UNK: variants seen among roughly 807,000 people sequenced by gnomAD.
The protein encoded by UNK is RING finger protein unkempt homolog.
UNK carries 32 observed loss-of-function variants against 97.6 expected under a neutral mutation model. The observed-to-expected ratio is 0.33, with a 90% CI of 0.25 to 0.44. The LOEUF (loss-of-function observed/expected upper bound fraction) is 0.44. Ranked by LOEUF, UNK falls within the 20% of genes least tolerant of loss-of-function variation. The pLI, the probability that UNK is intolerant of heterozygous loss-of-function variation, is 1.00. For missense variants in UNK, 771 were observed against 1,098.4 expected, an observed-to-expected ratio of 0.70 and a Z score of 4.21; for synonymous variants, 441 against 461.2, an observed-to-expected ratio of 0.96 and a Z score of 0.56.
At chr17:75,801,276 A>C (rs752902765) in intron 1 of UNK, among the ~76,000 whole-genome samples, 1 of 152,124 alleles carries the variant, frequency 6.6e-6, no homozygotes, top group Non-Finnish European at 1.5e-5. Context: ...GAAGAGAAAA[A>C]TGCACTTCAA....
chr17:75,788,907 T>C (rs1170651712), intron 1 of UNK, among the ~76,000 whole-genome samples: 1 of 152,242 alleles, frequency 6.6e-6, no homozygotes, highest in Non-Finnish European at 1.5e-5. Flanking sequence ...GAGACACTTG[T>C]GTGATAATTG....
chr17:75,817,672 G>A lies in UNK; in HGVS notation c.1305+146G>A. On this transcript the variant is annotated intron_variant, in intron 9 of 15. Transcript: ENST00000589666. This position sits in a 1 kb window ranked among gnomAD's most constrained non-coding sequence, Gnocchi z 5.8. ...TCGGCCTCTTCAGGACTGAACAGAG[G>A]GAGCAGTGTCAGCCCATTTGCAGCT... 1.1e-6 allele frequency: 1 copy of A among 929,108 alleles called. No homozygotes were observed. Among genetic ancestry groups the A allele is most frequent in the Non-Finnish European group, 1.6e-6 (1 of 634,500 alleles). 57.6% of individuals were successfully genotyped at this position (929,108 alleles called of 1,614,324 possible).
In UNK at chr17:75,812,571, A is replaced by C; in HGVS notation, c.608A>C (p.Glu203Ala). ...HAMIEKILSE[E>A]PRWQETAYVL... ...ATGATAGAAAAGATCCTCAGCGAGGAGCCTCGGTGGCAAGGTACAGGCATC... is the reference window on the plus strand; with the variant it reads ...ATGATAGAAAAGATCCTCAGCGAGGCGCCTCGGTGGCAAGGTACAGGCATC... The change falls in exon 4 of 16, where the codon GAG (glutamate) becomes GCG (alanine). Residue 203 changes from glutamate to alanine, a missense_variant. By Grantham distance (107) the Glu-to-Ala change is moderately radical (BLOSUM62 -1). Coordinates refer to ENST00000589666, the MANE Select transcript of UNK (RefSeq NM_001080419.3). 1.2e-6 allele frequency: 2 copies of C among 1,613,078 alleles called. No homozygotes were observed. Among genetic ancestry groups the C allele is most frequent in the Non-Finnish European group, 1.7e-6 (2 of 1,179,814 alleles).
chr17:75,809,796 CTT>C lies in UNK; in HGVS notation c.143_144del (p.Phe48CysfsTer39), dbSNP rs1156702784. 2 of 1,612,934 alleles carry C rather than the reference CTT, an allele frequency of 1.2e-6. No homozygotes were observed. The highest frequency in any genetic ancestry group is 1.6e-4 in the Middle Eastern group (1 of 6,084). On this transcript the variant is annotated frameshift_variant, in exon 2 of 16. Coordinates refer to ENST00000589666, the MANE Select transcript of UNK (RefSeq NM_001080419.3). LOFTEE classifies it high-confidence loss of function. ...KEFRTEQCPL[F>X]VQHKCTQHRP... ...AATTCCGCACAGAGCAGTGCCCACT[CTT>C]TGTGCAACACAAATGCACGCAGCAT... is the stretch of plus-strand genomic sequence containing the variant.
chr17:75,787,395 G>C (rs528981125), intron 1 of UNK, among the ~76,000 whole-genome samples: 35 of 151,812 alleles, frequency 2.3e-4, no homozygotes, highest in African/African-American at 8.0e-4. Context: ...TTGTAGAGAC[G>C]TGATTTTGCC....
chr17:75,813,025 T>G, intron 4 of UNK, 53 bp from the exon 5 acceptor site: 1 of 1,530,730 alleles, frequency 6.5e-7, no homozygotes, highest in Non-Finnish European at 8.8e-7. Context: ...CTGCTAGTCT[T>G]GGGGTGCTCC....
At chr17:75,797,060 A>C (rs1321344866) in intron 1 of UNK, among the ~76,000 whole-genome samples, 1 of 152,220 alleles carries the variant, frequency 6.6e-6, no homozygotes, top group Non-Finnish European at 1.5e-5. Context: ...TACTACAAAT[A>C]ATCTTCAAAA....
At chr17:75,795,701 G>C (rs1007231316) in intron 1 of UNK, among the ~76,000 whole-genome samples, 2 of 152,154 alleles carry the variant, frequency 1.3e-5, no homozygotes, top group South Asian at 4.1e-4. Flanking sequence ...ACGGGGGTTT[G>C]TAGTACTCTC....
In UNK at chr17:75,802,139, C is replaced by T. The variant is rs565094685; in HGVS notation, c.105-7621C>T. On this transcript the variant is annotated intron_variant, in intron 1 of 15. Transcript: ENST00000589666. ...CTGGGATTACAGGAGTGAGCCACTG[C>T]GCCTGACCTAAAAATTTTTTTCTGA... 3.3e-5 allele frequency among the ~76,000 whole-genome samples: 5 copies of T among 151,158 alleles called. No individual in the cohort carries two copies. The East Asian group carries it at 9.8e-4, about 30-fold the overall frequency.
chr17:75,799,737 G>A (rs2061838614), intron 1 of UNK, among the ~76,000 whole-genome samples: 2 of 152,154 alleles, frequency 1.3e-5, no homozygotes, highest in African/African-American at 2.4e-5. Context: ...ACATGGAAGC[G>A]GGGGCAGGCA....
In UNK at chr17:75,816,030, T is replaced by C. The variant is rs2062013307; in HGVS notation, c.962-740T>C. Among the ~76,000 whole-genome samples the C allele has an allele frequency of 6.6e-6, 1 of 152,206 alleles. No homozygotes were observed. Among genetic ancestry groups the C allele is most frequent in the Non-Finnish European group, 1.5e-5 (1 of 68,030 alleles). On this transcript the variant is annotated intron_variant, in intron 7 of 15. Transcript: ENST00000589666. This position sits in a 1 kb window ranked among gnomAD's most constrained non-coding sequence, Gnocchi z 4.0. ...TACAAAAATATCAAGACATTTCACCTTTTTTTGTACTAAGTCTATGAGATC... is the reference window on the plus strand; with the variant it reads ...TACAAAAATATCAAGACATTTCACCCTTTTTTGTACTAAGTCTATGAGATC...
rs2061991484 is a variant in UNK at position 75,813,755 on chromosome 17, G to C, written c.759-6G>C. 6.4e-7 allele frequency: 1 copy of C among 1,573,318 alleles called. No homozygotes were observed. Among genetic ancestry groups the C allele is most frequent in the Admixed American group, 1.9e-5 (1 of 53,806 alleles). ...CTCCATCTGACCCCACCCTCTTGTT[G>C]GCCAGGTCGTCTCCATGTCCAAACG... is the stretch of plus-strand genomic sequence containing the variant. On this transcript the variant is annotated splice_region_variant and splice_polypyrimidine_tract_variant and intron_variant, in intron 5 of 15. Transcript: ENST00000589666.
intron 7 of UNK, among the ~76,000 whole-genome samples, chr17:75,815,808 C>G (rs1322438840): frequency 6.7e-6 from 1 of 149,994 alleles, no homozygotes; most frequent in African/African-American, 2.5e-5. Context: ...ATCACTTGAA[C>G]CCAGGAAGCA....
chr17:75,807,255 C>T (rs930248048), intron 1 of UNK, among the ~76,000 whole-genome samples: 5 of 152,094 alleles, frequency 3.3e-5, no homozygotes, highest in South Asian at 4.1e-4. Context: ...GGAATAGTGG[C>T]GTATACCTGC....
chr17:75,819,507 TGTCAGAA>T lies in UNK; in HGVS notation c.1547-171_1547-165del. 2 of 611,684 alleles carry T rather than the reference TGTCAGAA, an allele frequency of 3.3e-6. No homozygotes were observed. Among genetic ancestry groups the T allele is most frequent in the Non-Finnish European group, 2.9e-6 (1 of 343,520 alleles). The allele number at this position is 611,684 out of a possible 1,614,324, so 37.9% of individuals were successfully genotyped here. On this transcript the variant is annotated intron_variant, in intron 11 of 15. Coordinates refer to ENST00000589666, the MANE Select transcript of UNK (RefSeq NM_001080419.3). The surrounding 1 kb of genome is among the most constrained non-coding windows in gnomAD (Gnocchi z 5.4). ...TGGGTTGGACATGACTGGCAGACGG[TGTCAGAA>T]GTCAGGAGTCAGGATTGGCATAGGA...
chr17:75,789,775 A>G (rs950799546), intron 1 of UNK, among the ~76,000 whole-genome samples: 1 of 152,204 alleles, frequency 6.6e-6, no homozygotes, highest in Non-Finnish European at 1.5e-5. Flanking sequence ...TTTTGTAGCA[A>G]TCACGTCTCA....
At chr17:75,801,878 CT>C (rs1207018069) in intron 1 of UNK, among the ~76,000 whole-genome samples, 1 of 143,268 alleles carries the variant, frequency 7.0e-6, no homozygotes, top group African/African-American at 2.6e-5. Flanking sequence ...GAGACAGAGT[CT>C]TGCTCTGATG....
intron 1 of UNK, among the ~76,000 whole-genome samples, chr17:75,786,450 G>A (rs1233143957): frequency 6.6e-6 from 1 of 152,196 alleles, no homozygotes; most frequent in Admixed American, 6.5e-5. Flanking sequence ...AGCATACTAT[G>A]GAATCTGTAA....
chr17:75,817,553 G>T lies in UNK; in HGVS notation c.1305+27G>T. Reference sequence around the variant, plus strand: ...TAAGGGATGAGGGAGGCAGCAGTGAGGTTAGCCTTCTCCTGCGTGGGGCAA... The same window carrying T: ...TAAGGGATGAGGGAGGCAGCAGTGATGTTAGCCTTCTCCTGCGTGGGGCAA... On this transcript the variant is annotated intron_variant, in intron 9 of 15. Coordinates refer to ENST00000589666, the MANE Select transcript of UNK (RefSeq NM_001080419.3). This position sits in a 1 kb window ranked among gnomAD's most constrained non-coding sequence, Gnocchi z 5.8. 1 of 1,575,080 alleles carries T rather than the reference G, an allele frequency of 6.3e-7. No individual in the cohort carries two copies. The highest frequency in any genetic ancestry group is 2.3e-5 in the East Asian group (1 of 43,978).
Sources: gnomAD v4.1 joint callset for allele counts (sites outside exome capture counted in the v4.1 genomes callset) on GRCh38, gnomAD v4.1.1 for gene constraint, Gnocchi (gnomAD v3.1) non-coding constraint, MANE v1.5 for transcripts, NCBI Gene and HGNC (gene_info 2026-07-23, HGNC 2026-07-21) for gene names.